The following TOP6BL variants were observed in gnomAD, a reference collection of about 807,000 sequenced individuals.
The protein encoded by TOP6BL is TOP6B like initiator of meiotic double strand breaks.
the TOP6BL span, among the ~76,000 whole-genome samples, chr11:66,781,745 C>T: frequency 1.2e-3 from 179 of 152,186 alleles, no homozygotes; most frequent in Non-Finnish European, 2.0e-3. Context: ...TCCATGTTGC[C>T]TAGGCTAGTC....
chr11:66,787,668 C>T, the TOP6BL span, among the ~76,000 whole-genome samples: 3 of 149,278 alleles, frequency 2.0e-5, no homozygotes, highest in Admixed American at 6.7e-5. Context: ...TGCAGCGAGC[C>T]GAGATAGCGC....
chr11:66,827,917 A>T, the TOP6BL span, among the ~76,000 whole-genome samples: 1 of 131,920 alleles, frequency 7.6e-6, no homozygotes, highest in Non-Finnish European at 1.6e-5. Context: ...GTGAGCCAAG[A>T]TTGTGCCACT....
At chr11:66,803,614 G>A in the TOP6BL span, among the ~76,000 whole-genome samples, 1 of 152,100 alleles carries the variant, frequency 6.6e-6, no homozygotes, top group Admixed American at 6.6e-5. Flanking sequence ...TAGTAGAGAT[G>A]GAGTTTCACC....
At chr11:66,812,118 A>C in the TOP6BL span, among the ~76,000 whole-genome samples, 8 of 152,126 alleles carry the variant, frequency 5.3e-5, no homozygotes, top group African/African-American at 1.9e-4. Flanking sequence ...TGATTTAAAC[A>C]ACCCAATTAT....
At chr11:66,788,877 A>AGTAGCTG in the TOP6BL span, among the ~76,000 whole-genome samples, 3 of 152,258 alleles carry the variant, frequency 2.0e-5, no homozygotes, top group South Asian at 6.2e-4. Flanking sequence ...CAGCCTGCCG[A>AGTAGCTG]GTAGCTGGTA....
the TOP6BL span, chr11:66,761,620 G>A: frequency 8.3e-7 from 1 of 1,206,200 alleles, no homozygotes; most frequent in Non-Finnish European, 1.1e-6. Flanking sequence ...GAAAAGTAAT[G>A]TACGCCTGGT....
At chr11:66,838,243 G>C in the TOP6BL span, 1 of 729,670 alleles carries the variant, frequency 1.4e-6, no homozygotes, top group Non-Finnish European at 2.3e-6. Context: ...CCAGGAGGAA[G>C]AGGGAGTTCC....
At chr11:66,800,051 C>A in the TOP6BL span, among the ~76,000 whole-genome samples, 2 of 146,320 alleles carry the variant, frequency 1.4e-5, no homozygotes, top group South Asian at 4.3e-4. Flanking sequence ...GGCAACAGAG[C>A]AAGACCCTGT....
At chr11:66,759,159 T>C in the TOP6BL span, 1 of 1,130,526 alleles carries the variant, frequency 8.8e-7, no homozygotes, top group Non-Finnish European at 1.2e-6. Context: ...TGATATTTTC[T>C]GAAACAAATT....
chr11:66,781,227 CTATT>C, the TOP6BL span, among the ~76,000 whole-genome samples: 25 of 152,142 alleles, frequency 1.6e-4, no homozygotes, highest in East Asian at 4.6e-3. Flanking sequence ...GTTTCTAAGA[CTATT>C]CATTTTTCTT....
At chr11:66,784,312 C>A in the TOP6BL span, among the ~76,000 whole-genome samples, 1 of 152,110 alleles carries the variant, frequency 6.6e-6, no homozygotes, top group Non-Finnish European at 1.5e-5. Flanking sequence ...GGATTACAGG[C>A]GTGAGCCACT....
chr11:66,762,077 A>G, the TOP6BL span: 4 of 1,238,876 alleles, frequency 3.2e-6, no homozygotes, highest in Admixed American at 5.1e-5. Flanking sequence ...TGTCCCATTC[A>G]GTTCCAGCTC....
chr11:66,795,122 A>G, the TOP6BL span, among the ~76,000 whole-genome samples: 168 of 151,910 alleles, frequency 1.1e-3, no homozygotes, highest in African/African-American at 3.7e-3. Context: ...CAACAAGAGC[A>G]AAACTCCATC....
chr11:66,828,220 T>G, the TOP6BL span: 1 of 1,398,128 alleles, frequency 7.2e-7, no homozygotes, highest in Non-Finnish European at 1.0e-6. Context: ...TCCCCCTTGG[T>G]TTCCAGTACT....
chr11:66,749,359 C>G, the TOP6BL span, among the ~76,000 whole-genome samples: 2 of 152,022 alleles, frequency 1.3e-5, no homozygotes, highest in African/African-American at 2.4e-5. Flanking sequence ...GATGGTTGGT[C>G]TGTGTGTGGT....
chr11:66,833,400 A>T, the TOP6BL span, among the ~76,000 whole-genome samples: 1 of 152,148 alleles, frequency 6.6e-6, no homozygotes. Flanking sequence ...TTACATGTGC[A>T]AAGACTTTTC....
chr11:66,770,858 CT>C, the TOP6BL span, among the ~76,000 whole-genome samples: 1 of 152,140 alleles, frequency 6.6e-6, no homozygotes, highest in Non-Finnish European at 1.5e-5. Context: ...GCTGCCTTGA[CT>C]TTCTACTTTT....
the TOP6BL span, among the ~76,000 whole-genome samples, chr11:66,780,240 A>C: frequency 6.6e-6 from 1 of 152,214 alleles, no homozygotes; most frequent in African/African-American, 2.4e-5. Context: ...ATACTCAAAT[A>C]CTTATAATTC....
At chr11:66,806,952 A>G in the TOP6BL span, among the ~76,000 whole-genome samples, 1 of 152,246 alleles carries the variant, frequency 6.6e-6, no homozygotes, top group Non-Finnish European at 1.5e-5. Flanking sequence ...ACAGAACAGT[A>G]TAGAATAAAT....
Sources: allele counts gnomAD v4.1 joint callset (sites outside exome capture counted in the v4.1 genomes callset), GRCh38; gene constraint gnomAD v4.1.1; transcripts MANE v1.5; gene names NCBI Gene and HGNC (gene_info 2026-07-23, HGNC 2026-07-21).